The following LOXL4 variants were observed in gnomAD, a reference collection of about 807,000 sequenced individuals.
LOXL4 encodes the protein lysyl oxidase like 4.
Under a neutral mutation model 89.1 loss-of-function variants are expected in LOXL4, and 72 were observed. The observed-to-expected ratio is 0.81, with a 90% confidence interval of 0.67 to 0.98. The LOEUF (loss-of-function observed/expected upper bound fraction) is 0.98, where lower values mean the gene tolerates loss of function less well. Among genes scored for constraint, LOXL4 ranks in the 50% least tolerant of loss-of-function variants. The pLI, the probability that LOXL4 is intolerant of heterozygous loss-of-function variation, is 0.00. For synonymous variants in LOXL4, 355 were observed against 392.1 expected, an observed-to-expected ratio of 0.91 and a Z score of 1.12; for missense variants, 984 against 1,017.5, an observed-to-expected ratio of 0.97 and a Z score of 0.45.
intron 1 of LOXL4, among the ~76,000 whole-genome samples, chr10:98,267,436 G>T (rs1858709356): frequency 6.6e-6 from 1 of 152,234 alleles, no homozygotes; most frequent in Non-Finnish European, 1.5e-5. Flanking sequence ...GAGGGCTGAA[G>T]ACAGCAAATG....
chr10:98,257,219 A>G lies in LOXL4; in HGVS notation c.1261-272T>C, dbSNP rs563717533. Reference sequence around the variant, plus strand: ...CCTCCACCATTAACGACAACTGGCAATTTGCAAAGGGCTTTCATGTCCCTT... The same window carrying G: ...CCTCCACCATTAACGACAACTGGCAGTTTGCAAAGGGCTTTCATGTCCCTT... On this transcript the variant is annotated intron_variant, in intron 8 of 14. Transcript: ENST00000260702. 3.3e-5 allele frequency among the ~76,000 whole-genome samples: 5 copies of G among 152,258 alleles called. No individual in the cohort carries two copies. In the South Asian group the frequency reaches 8.3e-4, roughly 25 times the overall value.
At chr10:98,266,782 TC>T (rs936437766) in intron 1 of LOXL4, among the ~76,000 whole-genome samples, 1 of 151,948 alleles carries the variant, frequency 6.6e-6, no homozygotes, top group Non-Finnish European at 1.5e-5. Context: ...CTCCTACACA[TC>T]CCACAAGGCC....
chr10:98,253,849 CTT>C, intron 10 of LOXL4, 53 bp from the exon 11 acceptor site: 2 of 1,607,714 alleles, frequency 1.2e-6, no homozygotes, highest in Non-Finnish European at 1.7e-6. Flanking sequence ...GGCAGCCAGT[CTT>C]AGTCTCCAGC....
rs752322917 is a variant in LOXL4 at position 98,253,533 on chromosome 10, A to G, written c.1835+20T>C. ...TTTTGTTCCTAACCCTCTAGTGCCA[A>G]TGCATGGGCAGGCTCTAACCTGTGG... On this transcript the variant is annotated intron_variant, in intron 11 of 14. Coordinates refer to ENST00000260702, the MANE Select transcript of LOXL4 (RefSeq NM_032211.7). 22 of 1,614,050 alleles carry G rather than the reference A, an allele frequency of 1.4e-5. No homozygotes were observed. The Admixed American group carries it at 2.5e-4, about 18-fold the overall frequency.
At chr10:98,267,621 T>A (rs1305919711) in intron 1 of LOXL4, among the ~76,000 whole-genome samples, 1 of 152,124 alleles carries the variant, frequency 6.6e-6, no homozygotes, top group Non-Finnish European at 1.5e-5. Flanking sequence ...AAATGGTCTC[T>A]GAGCTGTACC....
intron 7 of LOXL4, 36 bp downstream of exon 7, chr10:98,257,945 C>G: frequency 6.2e-7 from 1 of 1,608,110 alleles, no homozygotes; most frequent in Admixed American, 1.7e-5. Context: ...GTGGCATATC[C>G]AGGCCTTCTA....
chr10:98,261,062 C>CA lies in LOXL4; in HGVS notation c.521dup (p.Thr175AspfsTer10). 6.2e-7 allele frequency: 1 copy of CA among 1,613,962 alleles called. No homozygotes were observed. The highest frequency in any genetic ancestry group is 1.1e-5 in the South Asian group (1 of 91,078). On this transcript the variant is annotated frameshift_variant, in exon 4 of 15. Coordinates refer to ENST00000260702, the MANE Select transcript of LOXL4 (RefSeq NM_032211.7). LOFTEE classifies it high-confidence loss of function. ...ACTTCACCTCCACGGCTCCCTCGGT[C>CA]ACTGGGCTATGCTGCTTGGCACTGG... is the stretch of plus-strand genomic sequence containing the variant.
At position 98,266,235 on chromosome 10, in the gene LOXL4, C is replaced by G. The variant is rs61875310; in HGVS notation, c.-33+1897G>C. Among the ~76,000 whole-genome samples the G allele has an allele frequency of 8.6e-3, 1,313 of 152,312 alleles. 16 individuals carry two copies. Among genetic ancestry groups the G allele is most frequent in the Non-Finnish European group, 0.011 (774 of 68,024 alleles). On this transcript the variant is annotated intron_variant, in intron 1 of 14. Transcript: ENST00000260702. The stretch of plus-strand genomic sequence containing the variant: ...GGGTCTGGGCTGAGTGACAACCACA[C>G]CTTCTCTACCACCCCCAGGAGTTGG...
At chr10:98,253,903 AC>A in intron 10 of LOXL4, 107 bp from the exon 11 acceptor site, 1 of 1,419,698 alleles carries the variant, frequency 7.0e-7, no homozygotes, top group Non-Finnish European at 9.5e-7. Flanking sequence ...CTCCGAGAGG[AC>A]CCCACAAAAG....
chr10:98,255,755 G>A lies in LOXL4; in HGVS notation c.1429-16C>T. On this transcript the variant is annotated splice_polypyrimidine_tract_variant and intron_variant, in intron 9 of 14. Transcript: ENST00000260702. ...ACCAGGTTTCCTAAGAAGACAGCCA[G>A]CGTCACCCAGTCAGCGTGCCTTTGG... 1 of 1,601,972 alleles carries A rather than the reference G, an allele frequency of 6.2e-7. No individual in the cohort carries two copies. Among genetic ancestry groups the A allele is most frequent in the Non-Finnish European group, 8.5e-7 (1 of 1,170,126 alleles).
chr10:98,249,969 T>G (rs919037685), intron 14 of LOXL4, among the ~76,000 whole-genome samples: 9 of 152,252 alleles, frequency 5.9e-5, no homozygotes, highest in African/African-American at 2.2e-4. Flanking sequence ...GACTGAAATT[T>G]GTCAATAGTT....
At chr10:98,259,364 T>G (rs1178708733) in intron 5 of LOXL4, 27 bp downstream of exon 5, 33 of 1,611,492 alleles carry the variant, frequency 2.0e-5, no homozygotes, top group Non-Finnish European at 2.6e-5. Flanking sequence ...CCCCTTTGCC[T>G]CCTCCCTCTA....
intron 1 of LOXL4, among the ~76,000 whole-genome samples, chr10:98,267,430 G>A (rs535835259): frequency 6.6e-6 from 1 of 152,318 alleles, no homozygotes; most frequent in African/African-American, 2.4e-5. Context: ...GGTAGGGAGG[G>A]CTGAAGACAG....
chr10:98,260,975 C>T lies in LOXL4; in HGVS notation c.609G>A (p.Val203=), dbSNP rs1314759382. ...CGCTGGGGAAGCCCAGCATCCCGCA[C>T]ACCACCCTGCTGTTGTTCATGGTCC... ...QGWTMNNSRV[V]CGMLGFPSEV... Residue 203 remains valine (V), a synonymous_variant, in exon 4 of 15, where the codon GTG becomes GTA. Coordinates refer to ENST00000260702, the MANE Select transcript of LOXL4 (RefSeq NM_032211.7). 8 of 1,613,924 alleles carry T rather than the reference C, an allele frequency of 5.0e-6. No individual in the cohort carries two copies. The highest frequency in any genetic ancestry group is 1.1e-5 in the South Asian group (1 of 91,080).
Position 98,262,026 on chromosome 10 carries a change from C to T in LOXL4, c.456+9G>A, listed in dbSNP as rs572836790. The T allele has an allele frequency of 1.3e-6, 2 of 1,598,412 alleles. No individual in the cohort carries two copies. The highest frequency in any genetic ancestry group is 1.7e-5 in the Admixed American group (1 of 57,282). ...TTGGCTCAGACCAGAGCCTGAACAG[C>T]CTCCTCACCTGGGGCCCAAGGGCAT... is the stretch of plus-strand genomic sequence containing the variant. On this transcript the variant is annotated intron_variant, in intron 3 of 14. Transcript: ENST00000260702.
In LOXL4 at chr10:98,251,307, C is replaced by T. The variant is rs1858186242; in HGVS notation, c.2089-131G>A. On this transcript the variant is annotated intron_variant, in intron 13 of 14. Transcript: ENST00000260702. ...TTAACAATTACCCAGGAGGTAGGTA[C>T]TGATGTTCCCATTTTACAGATAGGG... The T allele has an allele frequency of 8.5e-6, 7 of 821,080 alleles. No individual in the cohort carries two copies. The South Asian group carries it at 9.8e-5, about 11-fold the overall frequency. 50.9% of individuals were successfully genotyped at this position (821,080 alleles called of 1,614,324 possible). A position where few individuals can be genotyped will look rare whatever the true frequency, so the allele number is the denominator to read the frequency against.
intron 3 of LOXL4, among the ~76,000 whole-genome samples, chr10:98,261,614 G>A (rs1412663277): frequency 6.6e-6 from 1 of 152,238 alleles, no homozygotes; most frequent in East Asian, 1.9e-4. Flanking sequence ...TGCATTCAGT[G>A]GCCATGGCCA....
intron 2 of LOXL4, 105 bp from the exon 3 acceptor site, chr10:98,262,318 G>A: frequency 8.2e-7 from 1 of 1,218,394 alleles, no homozygotes; most frequent in Non-Finnish European, 1.2e-6. Context: ...TCCAAACCCT[G>A]GGAGAAAGTG....
At chr10:98,264,564 C>T (rs967542557) in intron 1 of LOXL4, among the ~76,000 whole-genome samples, 7 of 151,738 alleles carry the variant, frequency 4.6e-5, no homozygotes, top group African/African-American at 1.7e-4. Context: ...AGAGAGGGCC[C>T]CTGTCTCCAG....
Sources: allele counts gnomAD v4.1 joint callset (sites outside exome capture counted in the v4.1 genomes callset), GRCh38; gene constraint gnomAD v4.1.1; transcripts MANE v1.5; gene names NCBI Gene and HGNC (gene_info 2026-07-23, HGNC 2026-07-21).